TRIM34: variants seen among roughly 807,000 people sequenced by gnomAD.
TRIM34 encodes tripartite motif containing 34.
A neutral mutation model predicts 38.1 loss-of-function variants in TRIM34; 41 were observed. The ratio of observed to expected loss-of-function variants is 1.08; its 90% CI spans 0.84 to 1.40. TRIM34 has a LOEUF of 1.40. TRIM34 is among the 40% of genes most tolerant of loss of function. TRIM34 has a pLI of 0.00. For missense variants in TRIM34, 556 were observed against 571.4 expected (o/e 0.97, Z 0.27); for synonymous variants, 200 against 202.5 (o/e 0.99, Z 0.10).
chr11:5,632,535 A>C lies in TRIM34; in HGVS notation c.204A>C (p.Leu68=), dbSNP rs1472592174. Residue 68 remains leucine, a synonymous_variant, in exon 2 of 8, where the codon CTA becomes CTC. Transcript: ENST00000429814. ...GTATCAGTTACTCATTTGAACATCTACAGGCTAATCAGCATCTGGCCAACA... is the reference window on the plus strand; with the variant it reads ...GTATCAGTTACTCATTTGAACATCTCCAGGCTAATCAGCATCTGGCCAACA... The part of the protein sequence containing the change: ...VCGISYSFEH[L]QANQHLANIV... The C allele has an allele frequency of 6.2e-7, 1 of 1,613,864 alleles. No individual in the cohort carries two copies. Among genetic ancestry groups the C allele is most frequent in the African/African-American group, 1.3e-5 (1 of 74,848 alleles).
chr11:5,634,889 C>G (rs1849665211), intron 4 of TRIM34, 28 bp downstream of exon 4: 2 of 1,603,016 alleles, frequency 1.2e-6, no homozygotes, highest in Non-Finnish European at 1.7e-6. Flanking sequence ...ATCTGAGATT[C>G]TGGGAACACA....
chr11:5,624,669 T>C (rs1251364775), upstream of TRIM34, among the ~76,000 whole-genome samples: 1 of 152,222 alleles, frequency 6.6e-6, no homozygotes, highest in Non-Finnish European at 1.5e-5. Flanking sequence ...TCCCATACAT[T>C]GTAGAATGCT....
At chr11:5,622,732 T>A (rs1357189273), upstream of TRIM34, among the ~76,000 whole-genome samples, 2 of 152,188 alleles carry the variant, frequency 1.3e-5, no homozygotes, top group African/African-American at 4.8e-5. Flanking sequence ...AATATACACA[T>A]CTCAACACAT....
chr11:5,633,230 C>G (rs986057387), intron 2 of TRIM34, among the ~76,000 whole-genome samples: 1 of 149,404 alleles, frequency 6.7e-6, no homozygotes, highest in Admixed American at 6.7e-5. Flanking sequence ...GGAGTCAGCC[C>G]TTTTCATCCT....
At chr11:5,642,348 G>C in intron 5 of TRIM34, 58 bp from the exon 6 acceptor site, 1 of 1,483,868 alleles carries the variant, frequency 6.7e-7, no homozygotes, top group Non-Finnish European at 9.3e-7. Flanking sequence ...CCAGTGATGT[G>C]GGAGGGATGG....
chr11:5,634,042 G>A, intron 3 of TRIM34, 143 bp downstream of exon 3: 1 of 856,246 alleles, frequency 1.2e-6, no homozygotes. Flanking sequence ...GTCCCTGTTG[G>A]GGGTGGAGGC....
At chr11:5,642,562 A>C in intron 6 of TRIM34, 56 bp downstream of exon 6, 1 of 1,592,642 alleles carries the variant, frequency 6.3e-7, no homozygotes, top group Non-Finnish European at 8.6e-7. Flanking sequence ...GTCAGGTAAT[A>C]AACTGTCTAG....
chr11:5,632,818 CA>C, intron 2 of TRIM34, 64 bp downstream of exon 2: 1 of 929,076 alleles, frequency 1.1e-6, no homozygotes, highest in Non-Finnish European at 1.5e-6. Context: ...CTCACCTTTT[CA>C]TCCTTTTTTT....
At chr11:5,622,582 C>T (rs931592216), upstream of TRIM34, among the ~76,000 whole-genome samples, 2 of 152,082 alleles carry the variant, frequency 1.3e-5, no homozygotes, top group Non-Finnish European at 2.9e-5. Context: ...CATGCCATTG[C>T]ACTCCAGTCT....
At chr11:5,622,638 T>TA (rs59287938), upstream of TRIM34, among the ~76,000 whole-genome samples, 3 of 151,436 alleles carry the variant, frequency 2.0e-5, no homozygotes, top group African/African-American at 7.3e-5. Flanking sequence ...AACAAACAAA[T>TA]AAAAAAAACC....
At chr11:5,643,083 T>C in intron 7 of TRIM34, 61 bp from the exon 8 acceptor site, 1 of 1,280,634 alleles carries the variant, frequency 7.8e-7, no homozygotes, top group Non-Finnish European at 1.0e-6. Context: ...CACCTAATCA[T>C]ATATATCACA....
In TRIM34 at chr11:5,643,903, A is replaced by C. The variant is rs971433108; in HGVS notation, c.*194A>C. On this transcript the variant is annotated 3_prime_UTR_variant, in exon 8 of 8. Transcript: ENST00000429814. ...TTCATTTACTCTTTTTCATATTTTC[A>C]GAGAAAGTTACCTAATCCCTCCTAA... 2 of 738,676 alleles carry C rather than the reference A, an allele frequency of 2.7e-6. No homozygotes were observed. Among genetic ancestry groups the C allele is most frequent in the Non-Finnish European group, 4.2e-6 (2 of 481,694 alleles). 45.8% of individuals were successfully genotyped at this position (738,676 alleles called of 1,614,324 possible). A position where few individuals can be genotyped will look rare whatever the true frequency, so the allele number is the denominator to read the frequency against.
intron 7 of TRIM34, 29 bp downstream of exon 7, chr11:5,642,872 GT>G (rs775096920): frequency 2.0e-5 from 32 of 1,613,298 alleles, no homozygotes; most frequent in Non-Finnish European, 2.7e-5. Flanking sequence ...TTAAATAACT[GT>G]TTTCCAATTA....
At chr11:5,640,978 G>C (rs1426595535) in intron 4 of TRIM34, among the ~76,000 whole-genome samples, 189 bp from the exon 5 acceptor site, 1 of 151,840 alleles carries the variant, frequency 6.6e-6, no homozygotes, top group Non-Finnish European at 1.5e-5. Flanking sequence ...AAGGTCAGTA[G>C]TAATATCCCA....
At position 5,643,876 on chromosome 11, in the gene TRIM34, TATTC is replaced by T; in HGVS notation, c.*171_*174del. ...GCTTGAGTTATGAGAGATGCTTATTTATTCATTTACTCTTTTTCATATTTTCAGA... is the reference window on the plus strand; with the variant it reads ...GCTTGAGTTATGAGAGATGCTTATTTATTTACTCTTTTTCATATTTTCAGA... On this transcript the variant is annotated 3_prime_UTR_variant, in exon 8 of 8. Transcript: ENST00000429814. The T allele has an allele frequency of 2.3e-6, 2 of 876,352 alleles. No homozygotes were observed. Among genetic ancestry groups the T allele is most frequent in the Non-Finnish European group, 3.4e-6 (2 of 594,546 alleles). 54.3% of individuals were successfully genotyped at this position (876,352 alleles called of 1,614,324 possible). A position where few individuals can be genotyped will look rare whatever the true frequency, so the allele number is the denominator to read the frequency against.
intron 4 of TRIM34, among the ~76,000 whole-genome samples, chr11:5,639,402 C>T (rs1352854577): frequency 2.0e-5 from 3 of 151,892 alleles, no homozygotes; most frequent in East Asian, 1.9e-4. Context: ...GATTGGAGGC[C>T]AGGCGCGGTG....
upstream of TRIM34, among the ~76,000 whole-genome samples, chr11:5,623,134 T>A (rs1318141485): frequency 7.0e-6 from 1 of 141,924 alleles, no homozygotes; most frequent in East Asian, 2.1e-4. Context: ...TTTATCTTAG[T>A]AGCTGTCTTT....
intron 7 of TRIM34, 118 bp from the exon 8 acceptor site, chr11:5,643,026 A>C: frequency 2.3e-6 from 3 of 1,289,962 alleles, no homozygotes; most frequent in Non-Finnish European, 3.1e-6. Flanking sequence ...GTCACTTCCC[A>C]AGTTCGTTCA....
At chr11:5,636,138 T>G (rs1027264150) in intron 4 of TRIM34, among the ~76,000 whole-genome samples, 1 of 152,224 alleles carries the variant, frequency 6.6e-6, no homozygotes, top group African/African-American at 2.4e-5. Flanking sequence ...CTCCTTAAAC[T>G]GATGATTGGA....
Sources: gnomAD v4.1 joint callset for allele counts (sites outside exome capture counted in the v4.1 genomes callset) on GRCh38, gnomAD v4.1.1 for gene constraint, MANE v1.5 for transcripts, NCBI Gene and HGNC (gene_info 2026-07-23, HGNC 2026-07-21) for gene names.